The following PEBP4 variants were observed in gnomAD, a reference collection of about 807,000 sequenced individuals.
PEBP4 encodes phosphatidylethanolamine binding protein 4.
PEBP4 carries 22 observed loss-of-function variants against 23.9 expected under a neutral mutation model. The observed-to-expected ratio is 0.92, with a 90% CI of 0.66 to 1.31. The LOEUF (loss-of-function observed/expected upper bound fraction) is 1.31. Among genes scored for constraint, PEBP4 ranks in the 40% most tolerant of loss-of-function variants. The pLI is 0.00. For synonymous variants in PEBP4, 112 were observed against 99.3 expected (o/e 1.13, Z -0.76); for missense variants, 324 against 281.7 (o/e 1.15, Z -1.07).
rs563424871 is a variant in PEBP4 at position 22,732,056 on chromosome 8, G to A, written c.358-4836C>T. On this transcript the variant is annotated intron_variant, in intron 4 of 6. Transcript: ENST00000256404. ...AGATGTAGTTCAGTTTCTCATCCTC[G>A]AGAACGCTGAAAAGCCCAGGATGGG... is the stretch of plus-strand genomic sequence containing the variant. 7.9e-5 allele frequency among the ~76,000 whole-genome samples: 12 copies of A among 152,140 alleles called. No individual in the cohort carries two copies. The South Asian group carries it at 1.9e-3, about 24-fold the overall frequency.
At chr8:22,891,831 C>T (rs111502920) in intron 3 of PEBP4, among the ~76,000 whole-genome samples, 3,849 of 152,210 alleles carry the variant, frequency 0.025, 101 homozygotes, top group African/African-American at 0.068. Context: ...CCCAGCACTT[C>T]GGGAGGCCGA....
intron 4 of PEBP4, among the ~76,000 whole-genome samples, chr8:22,750,619 C>T (rs1015760044): frequency 1.3e-5 from 2 of 152,034 alleles, no homozygotes; most frequent in Non-Finnish European, 2.9e-5. Flanking sequence ...AGGGAATATC[C>T]CGTGGGAGTT....
At chr8:22,802,971 G>C (rs1436947271) in intron 4 of PEBP4, among the ~76,000 whole-genome samples, 2 of 152,118 alleles carry the variant, frequency 1.3e-5, no homozygotes, top group Non-Finnish European at 2.9e-5. Flanking sequence ...GCTAGCAAGC[G>C]GCCCAGCATA....
intron 3 of PEBP4, among the ~76,000 whole-genome samples, chr8:22,903,431 G>A (rs971325829): frequency 6.6e-6 from 1 of 152,226 alleles, no homozygotes; most frequent in Non-Finnish European, 1.5e-5. Flanking sequence ...TTGGGCAAAG[G>A]CAGGGGATTG....
At chr8:22,749,441 G>T (rs1378404643) in intron 4 of PEBP4, among the ~76,000 whole-genome samples, 1 of 152,200 alleles carries the variant, frequency 6.6e-6, no homozygotes, top group Non-Finnish European at 1.5e-5. Flanking sequence ...AGCTAGAGCT[G>T]GAGAGCCATG....
Position 22,757,450 on chromosome 8 carries a change from T to A in PEBP4, c.358-30230A>T, listed in dbSNP as rs1028056. On this transcript the variant is annotated intron_variant, in intron 4 of 6. Transcript: ENST00000256404. ...TGTACTCCCCCTGCCGCTTCCTTCC[T>A]CCAGGCAGCTCACAGACATGACCTC... The A allele has an allele frequency of 4.2e-3, 645 of 152,336 alleles. 3 individuals are homozygous for A. The highest frequency in any genetic ancestry group is 7.4e-3 in the Non-Finnish European group (507 of 68,132). The allele number at this position is 152,336 out of a possible 1,614,324, so 9.4% of individuals were successfully genotyped here. A position where few individuals can be genotyped will look rare whatever the true frequency, so the allele number is the denominator to read the frequency against.
chr8:22,764,921 C>T (rs557706117), intron 4 of PEBP4, among the ~76,000 whole-genome samples: 9 of 152,190 alleles, frequency 5.9e-5, no homozygotes, highest in African/African-American at 2.2e-4. Context: ...TGCCCCTGGC[C>T]ATGAGGACCA....
intron 3 of PEBP4, chr8:22,885,511 G>A (rs1808354669): frequency 6.6e-6 from 1 of 152,128 alleles, no homozygotes; most frequent in African/African-American, 2.4e-5. Context: ...CCAGGCACAC[G>A]ACGTAACTGT....
chr8:22,859,686 G>A (rs759832206), intron 3 of PEBP4, among the ~76,000 whole-genome samples: 4 of 152,052 alleles, frequency 2.6e-5, no homozygotes, highest in Non-Finnish European at 4.4e-5. Context: ...TCCCTGACAC[G>A]GCATTTGAGG....
intron 4 of PEBP4, among the ~76,000 whole-genome samples, chr8:22,796,100 C>A (rs567778865): frequency 2.6e-5 from 4 of 152,338 alleles, no homozygotes; most frequent in Non-Finnish European, 4.4e-5. Context: ...ACACTCGATA[C>A]TTATGGGTGG....
intron 5 of PEBP4, 116 bp from the exon 6 acceptor site, chr8:22,725,072 C>T: frequency 1.5e-6 from 1 of 682,776 alleles, no homozygotes; most frequent in Non-Finnish European, 2.6e-6. Flanking sequence ...AGCACTCGGC[C>T]CTGCAAAACA....
chr8:22,896,619 C>G (rs1199713008), intron 3 of PEBP4, among the ~76,000 whole-genome samples: 1 of 152,174 alleles, frequency 6.6e-6, no homozygotes, highest in Non-Finnish European at 1.5e-5. Flanking sequence ...TCCTTGGCCT[C>G]TTTATTACTG....
chr8:22,788,018 G>A (rs1344378409), intron 4 of PEBP4, among the ~76,000 whole-genome samples: 2 of 152,144 alleles, frequency 1.3e-5, no homozygotes, highest in South Asian at 2.1e-4. Flanking sequence ...TTGGAGCTCT[G>A]GCAGAGGAAA....
chr8:22,836,688 C>A (rs1450905632), intron 3 of PEBP4, among the ~76,000 whole-genome samples: 1 of 152,204 alleles, frequency 6.6e-6, no homozygotes, highest in Non-Finnish European at 1.5e-5. Flanking sequence ...TCTGTCCCCT[C>A]CTCAAAGTCT....
At chr8:22,872,965 C>T (rs1028296520) in intron 3 of PEBP4, among the ~76,000 whole-genome samples, 1 of 152,200 alleles carries the variant, frequency 6.6e-6, no homozygotes, top group Non-Finnish European at 1.5e-5. Context: ...GTATGAGCCA[C>T]CACGCCCAGC....
intron 3 of PEBP4, among the ~76,000 whole-genome samples, chr8:22,829,059 A>G (rs1304477179): frequency 6.6e-6 from 1 of 152,190 alleles, no homozygotes; most frequent in Non-Finnish European, 1.5e-5. Flanking sequence ...CTCAAAGCCC[A>G]TCAGTGGGAG....
chr8:22,891,832 G>C (rs751620367), intron 3 of PEBP4, among the ~76,000 whole-genome samples: 3 of 152,226 alleles, frequency 2.0e-5, no homozygotes, highest in Non-Finnish European at 2.9e-5. Context: ...CCAGCACTTC[G>C]GGAGGCCGAG....
intron 6 of PEBP4, among the ~76,000 whole-genome samples, chr8:22,714,330 G>T (rs1315551090): frequency 6.6e-6 from 1 of 152,124 alleles, no homozygotes; most frequent in Admixed American, 6.5e-5. Flanking sequence ...ATATTCCCAC[G>T]TTCTTGTTTC....
At chr8:22,721,966 C>T (rs1235268897) in intron 6 of PEBP4, among the ~76,000 whole-genome samples, 1 of 152,204 alleles carries the variant, frequency 6.6e-6, no homozygotes, top group Non-Finnish European at 1.5e-5. Flanking sequence ...CCACACCTCA[C>T]TGCCTCATGT....
Sources: gnomAD v4.1 joint callset for allele counts (sites outside exome capture counted in the v4.1 genomes callset) on GRCh38, gnomAD v4.1.1 for gene constraint, MANE v1.5 for transcripts, NCBI Gene and HGNC (gene_info 2026-07-23, HGNC 2026-07-21) for gene names.